PTPRT: variants seen among roughly 807,000 people sequenced by gnomAD.
PTPRT encodes the protein protein tyrosine phosphatase receptor type T.
In PTPRT, 56 loss-of-function variants were observed where a neutral mutation model predicts 176.8. That is an observed-to-expected ratio of 0.32 (90% CI 0.26 to 0.40). The LOEUF (loss-of-function observed/expected upper bound fraction) is 0.40. Ranked by LOEUF, PTPRT falls within the 10% of genes least tolerant of loss-of-function variation. PTPRT has a pLI of 1.00. For missense variants in PTPRT, 1,540 were observed against 1,908.2 expected, an observed-to-expected ratio of 0.81 and a Z score of 3.60; for synonymous variants, 783 against 739.0, an observed-to-expected ratio of 1.06 and a Z score of -0.96.
chr20:42,797,546 C>G (rs2077469437), intron 2 of PTPRT, among the ~76,000 whole-genome samples: 1 of 151,808 alleles, frequency 6.6e-6, no homozygotes. Flanking sequence ...CCCACCCTCC[C>G]CCGCAAACAC....
chr20:42,663,675 GTGTAT>G lies in PTPRT; in HGVS notation c.1153+14186_1153+14190del, dbSNP rs1262058551. ...ACTGGCCCCAGCTGATATGCGGTCT[GTGTAT>G]TTATATTTCACAAAACTGACACAGT... On this transcript the variant is annotated intron_variant, in intron 7 of 30. Coordinates refer to ENST00000373187, the MANE Select transcript of PTPRT (RefSeq NM_007050.6). Among the ~76,000 whole-genome samples the G allele has an allele frequency of 2.0e-5, 3 of 152,272 alleles. No homozygotes were observed. In the East Asian group the frequency reaches 5.8e-4, roughly 29 times the overall value.
chr20:43,017,836 A>G (rs1223567289), intron 1 of PTPRT, among the ~76,000 whole-genome samples: 2 of 152,350 alleles, frequency 1.3e-5, no homozygotes, highest in Non-Finnish European at 2.9e-5. Flanking sequence ...CATGGATAGA[A>G]GACAGTGGGC....
intron 1 of PTPRT, among the ~76,000 whole-genome samples, chr20:42,960,516 A>C (rs1755375633): frequency 2.6e-5 from 4 of 152,182 alleles, no homozygotes; most frequent in Admixed American, 2.6e-4. Flanking sequence ...TTTCAACATG[A>C]ATTTTCAAGG....
intron 12 of PTPRT, among the ~76,000 whole-genome samples, chr20:42,294,843 C>T (rs2057365920): frequency 6.6e-6 from 1 of 151,750 alleles, no homozygotes; most frequent in South Asian, 2.1e-4. Flanking sequence ...TAAAAGATCA[C>T]CTCAGAAATG....
intron 2 of PTPRT, among the ~76,000 whole-genome samples, chr20:42,802,978 A>T (rs2077552493): frequency 6.6e-6 from 1 of 152,222 alleles, no homozygotes; most frequent in Non-Finnish European, 1.5e-5. Flanking sequence ...TTAGAATAGT[A>T]CCTGACATGT....
chr20:42,330,283 C>T (rs181136906), intron 11 of PTPRT, among the ~76,000 whole-genome samples: 2 of 152,104 alleles, frequency 1.3e-5, no homozygotes, highest in Admixed American at 6.5e-5. Flanking sequence ...CTAGCCTCGC[C>T]AACATCGTGA....
At chr20:42,099,253 C>T (rs1985620808) in intron 26 of PTPRT, among the ~76,000 whole-genome samples, 1 of 151,810 alleles carries the variant, frequency 6.6e-6, no homozygotes, top group Non-Finnish European at 1.5e-5. Context: ...TAAATACTGG[C>T]AAGTTATTAG....
At chr20:42,208,416 C>T (rs2055529630) in intron 15 of PTPRT, among the ~76,000 whole-genome samples, 1 of 151,538 alleles carries the variant, frequency 6.6e-6, no homozygotes, top group Non-Finnish European at 1.5e-5. Flanking sequence ...TGCAGAGACA[C>T]ACATAGGCTC....
intron 17 of PTPRT, 102 bp downstream of exon 17, chr20:42,161,250 T>G (rs576289893): frequency 1.5e-5 from 20 of 1,357,730 alleles, no homozygotes; most frequent in Non-Finnish European, 1.9e-5. Context: ...CAGGTGATAC[T>G]GAGGCTGCTG....
chr20:42,183,928 G>T (rs1260607168), intron 16 of PTPRT, among the ~76,000 whole-genome samples: 2 of 152,174 alleles, frequency 1.3e-5, no homozygotes, highest in African/African-American at 4.8e-5. Context: ...CCATGAGTCT[G>T]TCCTGTTGCT....
At chr20:42,402,708 T>A (rs1251778288) in intron 9 of PTPRT, among the ~76,000 whole-genome samples, 1 of 151,948 alleles carries the variant, frequency 6.6e-6, no homozygotes, top group Non-Finnish European at 1.5e-5. Context: ...TTGGTGTGGA[T>A]TGTAAGGCAT....
chr20:42,316,648 C>T (rs2057725083), intron 11 of PTPRT, among the ~76,000 whole-genome samples: 1 of 152,202 alleles, frequency 6.6e-6, no homozygotes, highest in African/African-American at 2.4e-5. Flanking sequence ...CTGTGCCTGC[C>T]TTCTGTCTTC....
chr20:42,567,379 C>T (rs1392844669), intron 7 of PTPRT, among the ~76,000 whole-genome samples: 3 of 152,298 alleles, frequency 2.0e-5, no homozygotes, highest in South Asian at 2.1e-4. Flanking sequence ...ACTGCAGCCA[C>T]GCCTACCCTA....
At chr20:43,170,644 T>A (rs2014974158) in intron 1 of PTPRT, among the ~76,000 whole-genome samples, 1 of 152,218 alleles carries the variant, frequency 6.6e-6, no homozygotes, top group Admixed American at 6.5e-5. Context: ...GTATTTGACA[T>A]GCATCCTCTG....
intron 16 of PTPRT, among the ~76,000 whole-genome samples, chr20:42,171,728 A>C (rs1200961478): frequency 1.3e-5 from 2 of 152,168 alleles, no homozygotes; most frequent in Non-Finnish European, 2.9e-5. Flanking sequence ...TCTGGCATCC[A>C]AATTTTGTTA....
intron 9 of PTPRT, among the ~76,000 whole-genome samples, chr20:42,423,211 A>T (rs1042744425): frequency 6.6e-6 from 1 of 150,804 alleles, no homozygotes; most frequent in Non-Finnish European, 1.5e-5. Context: ...AGGAAGAGAA[A>T]GACTAATAAA....
intron 1 of PTPRT, among the ~76,000 whole-genome samples, chr20:43,146,421 A>G (rs887063949): frequency 2.0e-5 from 3 of 152,196 alleles, no homozygotes; most frequent in Non-Finnish European, 4.4e-5. Context: ...CCATATGTGA[A>G]TGCATAAGAT....
chr20:42,232,947 C>A (rs2056166200), intron 15 of PTPRT, among the ~76,000 whole-genome samples: 1 of 152,090 alleles, frequency 6.6e-6, no homozygotes, highest in South Asian at 2.1e-4. Flanking sequence ...AGGCTGTGCC[C>A]AAACCCACCC....
Position 42,082,003 on chromosome 20 carries a change from C to T in PTPRT, c.4151G>A (p.Arg1384His), listed in dbSNP as rs151076965. The T allele has an allele frequency of 4.7e-3, 7,606 of 1,614,206 alleles. 46 individuals are homozygous for T. The highest frequency in any genetic ancestry group is 4.7e-3 in the Non-Finnish European group (5,562 of 1,180,044). ...GCAGATGGCACAGAAGGTTCCACTACGGCCTCCCCCATTTCTAAACACAGA... is the reference window on the plus strand; with the variant it reads ...GCAGATGGCACAGAAGGTTCCACTATGGCCTCCCCCATTTCTAAACACAGA... ...TVVHCLNGGG[R>H]SGTFCAICSV... The change falls in exon 30 of 31, where the codon CGT becomes CAT. Residue 1384 changes from arginine to histidine, a missense_variant. Arg to His is a conservative substitution (Grantham distance 29). This residue lies in a region of PTPRT where 342 missense variants were observed against 394.0 expected (regional missense o/e 0.87). Transcript: ENST00000373187.
Sources: gnomAD v4.1 joint callset for allele counts (sites outside exome capture counted in the v4.1 genomes callset) on GRCh38, gnomAD v4.1.1 for gene constraint, gnomAD v4.1.1 regional missense constraint, MANE v1.5 for transcripts, NCBI Gene and HGNC (gene_info 2026-07-23, HGNC 2026-07-21) for gene names.